Variants in CC2D1B observed in about 807,000 individuals in gnomAD.
The protein encoded by CC2D1B is coiled-coil and C2 domain-containing protein 1B.
Under a neutral mutation model 110.8 loss-of-function variants are expected in CC2D1B, and 92 were observed. That is an observed-to-expected ratio of 0.83 (90% CI 0.70 to 0.99). The LOEUF (loss-of-function observed/expected upper bound fraction) is 0.99, where lower values mean the gene tolerates loss of function less well. Ranked by LOEUF, CC2D1B falls within the 50% of genes least tolerant of loss-of-function variation. The pLI, the probability that CC2D1B is intolerant of heterozygous loss-of-function variation, is 0.00. For missense variants in CC2D1B, 1,136 were observed against 1,089.0 expected (o/e 1.04, Z -0.61); for synonymous variants, 406 against 429.2 (o/e 0.95, Z 0.67).
In CC2D1B at chr1:52,364,763, C is replaced by T. The variant is rs567874380; in HGVS notation, c.-14-129G>A. The T allele has an allele frequency of 3.6e-4, 187 of 519,228 alleles. 1 individual carries two copies. The South Asian group carries it at 4.4e-3, about 12-fold the overall frequency. The allele number at this position is 519,228 out of a possible 1,614,324, so 32.2% of individuals were successfully genotyped here. On this transcript the variant is annotated intron_variant, in intron 1 of 24. Coordinates refer to ENST00000284376, the MANE Select transcript of CC2D1B (RefSeq NM_001330585.2). The stretch of plus-strand genomic sequence containing the variant: ...ATGCTGAACACCAAAGTATGGGTTA[C>T]CTTTAATTAAAGCACTGAAGCAGCA...
At position 52,359,130 on chromosome 1, in the gene CC2D1B, A is replaced by C; in HGVS notation, c.1154T>G (p.Leu385Arg). Reference protein sequence around the residue: ...PVAPTESQTVLDALQQRLNKY... With the variant: ...PVAPTESQTVRDALQQRLNKY... ...GTTCAGCCTCTGCTGCAGGGCATCCAGCACTGTCTGTGACTCTGTAGGGGC... is the reference window on the plus strand; with the variant it reads ...GTTCAGCCTCTGCTGCAGGGCATCCCGCACTGTCTGTGACTCTGTAGGGGC... Residue 385 changes from leucine to arginine, a missense_variant, in exon 11 of 25, where the codon CTG becomes CGG. Coordinates refer to ENST00000284376, the MANE Select transcript of CC2D1B (RefSeq NM_001330585.2). The C allele has an allele frequency of 6.2e-7, 1 of 1,611,152 alleles. No individual in the cohort carries two copies. The highest frequency in any genetic ancestry group is 8.5e-7 in the Non-Finnish European group (1 of 1,179,994).
rs540888906 is a variant in CC2D1B, at chr1:52,359,273, G to C, written c.1103C>G (p.Ala368Gly). ...ACCTGGGGTTGCTGGGACGTCAGGG[G>C]CCATCACTGGCTGCACTCGCTCCAC... ...PAVERVQPVM[A>G]PDVPATPVAP... Residue 368 changes from alanine to glycine, a missense_variant, in exon 10 of 25, where the codon GCC becomes GGC. Coordinates refer to ENST00000284376, the MANE Select transcript of CC2D1B (RefSeq NM_001330585.2). 14 of 1,612,932 alleles carry C rather than the reference G, an allele frequency of 8.7e-6. No individual in the cohort carries two copies. The highest frequency in any genetic ancestry group is 1.3e-5 in the African/African-American group (1 of 75,056).
intron 21 of CC2D1B, 115 bp from the exon 22 acceptor site, chr1:52,355,054 G>A: frequency 4.8e-6 from 4 of 829,232 alleles, no homozygotes; most frequent in Non-Finnish European, 6.1e-6. Flanking sequence ...GCATTTTGGG[G>A]TACTGCCTCC....
At chr1:52,353,719 C>T in intron 23 of CC2D1B, 72 bp from the exon 24 acceptor site, 2 of 1,173,006 alleles carry the variant, frequency 1.7e-6, no homozygotes, top group Admixed American at 5.0e-5. Context: ...CCCTACATTC[C>T]CAGGAAAGAA....
chr1:52,355,201 TC>T (rs1199242022), intron 21 of CC2D1B, among the ~76,000 whole-genome samples, 196 bp downstream of exon 21: 1 of 152,216 alleles, frequency 6.6e-6, no homozygotes, highest in East Asian at 1.9e-4. Flanking sequence ...TTCTACCACT[TC>T]CTTGCCATGA....
Position 52,362,708 on chromosome 1 carries a change from C to T in CC2D1B, c.108G>A (p.Leu36=), listed in dbSNP as rs905703464. Residue 36 remains leucine, a synonymous_variant, in exon 3 of 25, where the codon CTG becomes CTA. Coordinates refer to ENST00000284376, the MANE Select transcript of CC2D1B (RefSeq NM_001330585.2). ...CATCTTCAGCCTCATCCATGCCCAGCAGCATGTCCTCAGGGCCAAACTCCA... is the reference window on the plus strand; with the variant it reads ...CATCTTCAGCCTCATCCATGCCCAGTAGCATGTCCTCAGGGCCAAACTCCA... ...LFMEFGPEDM[L]LGMDEAEDDE... The T allele has an allele frequency of 6.2e-7, 1 of 1,614,134 alleles. No homozygotes were observed.
rs1217485542 is a variant in CC2D1B, at chr1:52,352,283, C to G, written c.*942G>C. 1 of 152,400 alleles carries G rather than the reference C, an allele frequency of 6.6e-6. No individual in the cohort carries two copies. Among genetic ancestry groups the G allele is most frequent in the African/African-American group, 2.4e-5 (1 of 41,422 alleles). 9.4% of individuals were successfully genotyped at this position (152,400 alleles called of 1,614,324 possible). On this transcript the variant is annotated 3_prime_UTR_variant, in exon 25 of 25. Transcript: ENST00000284376. ...TCTCCATCCATTCAGAAAAACAAAG[C>G]CAAAGGAGAATTTCTTGTGGAAAAA...
At chr1:52,360,310 C>G (rs1646751276) in intron 6 of CC2D1B, 77 bp from the exon 7 acceptor site, 1 of 1,593,696 alleles carries the variant, frequency 6.3e-7, no homozygotes, top group Non-Finnish European at 8.5e-7. Context: ...CCAGGGGTGG[C>G]CCCCCAACCC....
rs762428904 is a variant in CC2D1B at position 52,360,414 on chromosome 1, C to A, written c.603+10G>T. 1 of 1,612,668 alleles carries A rather than the reference C, an allele frequency of 6.2e-7. No homozygotes were observed. Among genetic ancestry groups the A allele is most frequent in the Non-Finnish European group, 8.5e-7 (1 of 1,179,602 alleles). ...CTCCCCTGCCCTGCTCCCAGCCTAG[C>A]CCGACTCACCTTCAGGCCGCGCTCG... On this transcript the variant is annotated intron_variant, in intron 6 of 24. Coordinates refer to ENST00000284376, the MANE Select transcript of CC2D1B (RefSeq NM_001330585.2).
In CC2D1B at chr1:52,361,540, T is replaced by TTCC. The variant is rs374206070; in HGVS notation, c.288_290dup (p.Glu97dup). 285 of 1,608,820 alleles carry TTCC rather than the reference T, an allele frequency of 1.8e-4. 1 individual carries two copies. Among genetic ancestry groups the TTCC allele is most frequent in the South Asian group, 1.2e-3 (109 of 90,662 alleles). On this transcript the variant is annotated inframe_insertion, in exon 4 of 25. Coordinates refer to ENST00000284376, the MANE Select transcript of CC2D1B (RefSeq NM_001330585.2). ...GCAGCTCTGCATCTTCCTCCAGCCC[T>TTCC]TCCTCCTCCTCCTCCTCCTCCACAT... is the stretch of plus-strand genomic sequence containing the variant.
chr1:52,360,869 C>A, intron 5 of CC2D1B, 105 bp downstream of exon 5: 1 of 1,417,986 alleles, frequency 7.1e-7, no homozygotes, highest in Non-Finnish European at 9.8e-7. Flanking sequence ...GGGGAGGGTC[C>A]TGGAAAGGGT....
At position 52,351,916 on chromosome 1, in the gene CC2D1B, G is replaced by A. The variant is rs572575301; in HGVS notation, c.*1309C>T. The A allele has an allele frequency of 6.6e-6, 1 of 151,644 alleles. No individual in the cohort carries two copies. The highest frequency in any genetic ancestry group is 2.4e-5 in the African/African-American group (1 of 41,308). The allele number at this position is 151,644 out of a possible 1,614,324, so 9.4% of individuals were successfully genotyped here. A position where few individuals can be genotyped will look rare whatever the true frequency, so the allele number is the denominator to read the frequency against. Reference sequence around the variant, plus strand: ...AAAAAAAAAAAAAAATCGGCCAGAGGGCTCATGGGGAAAAAAGTCACTTGT... The same window carrying A: ...AAAAAAAAAAAAAAATCGGCCAGAGAGCTCATGGGGAAAAAAGTCACTTGT... On this transcript the variant is annotated 3_prime_UTR_variant, in exon 25 of 25. Transcript: ENST00000284376.
rs1359372352 is a variant in CC2D1B, at chr1:52,366,158, G to C, written c.-104C>G. On this transcript the variant is annotated 5_prime_UTR_variant, in exon 1 of 25. Transcript: ENST00000284376. The stretch of plus-strand genomic sequence containing the variant: ...GCCCTGGGCCGCAGCGGTAGCGACA[G>C]GAAGCGCCAGCAGGGGAGGTGGCTC... 6.6e-6 allele frequency: 1 copy of C among 152,266 alleles called. No homozygotes were observed. The highest frequency in any genetic ancestry group is 6.5e-5 in the Admixed American group (1 of 15,294). 9.4% of individuals were successfully genotyped at this position (152,266 alleles called of 1,614,324 possible).
In CC2D1B at chr1:52,354,898, G is replaced by C. The variant is rs750759915; in HGVS notation, c.2281C>G (p.Arg761Gly). The part of the protein sequence containing the change: ...LFKLNINRNH[R>G]GFKRVIQSKG... Reference sequence around the variant, plus strand: ...CTCTGGATCACCCTCTTGAAGCCCCGGTGGTTTCGGTTGATGTTTAGTTTG... The same window carrying C: ...CTCTGGATCACCCTCTTGAAGCCCCCGTGGTTTCGGTTGATGTTTAGTTTG... The change falls in exon 22 of 25, where the codon CGG becomes GGG. Residue 761 changes from arginine (R) to glycine (G), a missense_variant. Coordinates refer to ENST00000284376, the MANE Select transcript of CC2D1B (RefSeq NM_001330585.2). The C allele has an allele frequency of 1.9e-6, 3 of 1,614,144 alleles. No individual in the cohort carries two copies. Among genetic ancestry groups the C allele is most frequent in the Non-Finnish European group, 1.7e-6 (2 of 1,180,012 alleles).
chr1:52,355,802 A>C lies in CC2D1B; in HGVS notation c.2097T>G (p.Ile699Met), dbSNP rs756102445. 6.2e-7 allele frequency: 1 copy of C among 1,614,168 alleles called. No individual in the cohort carries two copies. Among genetic ancestry groups the C allele is most frequent in the South Asian group, 1.1e-5 (1 of 91,088 alleles). ...GGGCTGGGAGGTTCATTCCCCGGAC[A>C]ATGATCAGATGCATTTCTGTGCTGT... is the stretch of plus-strand genomic sequence containing the variant. ...ELNSTEMHLIIVRGMNLPAPP... is the reference protein window; with the variant it reads ...ELNSTEMHLIMVRGMNLPAPP... The change falls in exon 19 of 25, where the codon ATT (isoleucine) becomes ATG (methionine). Residue 699 changes from isoleucine to methionine, a missense_variant. Coordinates refer to ENST00000284376, the MANE Select transcript of CC2D1B (RefSeq NM_001330585.2).
At position 52,355,379 on chromosome 1, in the gene CC2D1B, G is replaced by GC. The variant is rs771129921; in HGVS notation, c.2239+18dup. 17 of 1,613,374 alleles carry GC rather than the reference G, an allele frequency of 1.1e-5. No homozygotes were observed. Among genetic ancestry groups the GC allele is most frequent in the Non-Finnish European group, 1.3e-5 (15 of 1,179,540 alleles). On this transcript the variant is annotated intron_variant, in intron 21 of 24. Transcript: ENST00000284376. ...ACACACTCTGAGGGAGGAGAAAGAGGCCCACGTGTGGCCCTCACCTGGAGA... is the reference window on the plus strand; with the variant it reads ...ACACACTCTGAGGGAGGAGAAAGAGGCCCCACGTGTGGCCCTCACCTGGAGA...
In CC2D1B at chr1:52,358,476, C is replaced by G. The variant is rs537111457; in HGVS notation, c.1331-15G>C. On this transcript the variant is annotated splice_polypyrimidine_tract_variant and intron_variant, in intron 12 of 24. Coordinates refer to ENST00000284376, the MANE Select transcript of CC2D1B (RefSeq NM_001330585.2). ...GGGGGGAAATCCTGTGGGAGAGAGA[C>G]AGCATGGGAGGGGCAGGGAGCAGCC... 87 of 1,612,390 alleles carry G rather than the reference C, an allele frequency of 5.4e-5. 2 individuals carry two copies. In the East Asian group the frequency reaches 1.6e-3, roughly 29 times the overall value.
intron 12 of CC2D1B, 60 bp downstream of exon 12, chr1:52,358,626 C>T: frequency 1.3e-6 from 2 of 1,575,790 alleles, no homozygotes; most frequent in South Asian, 1.1e-5. Context: ...GGCTGTCCCC[C>T]ATTCCCTTCT....
rs1350869264 is a variant in CC2D1B, at chr1:52,351,686, C to G, written c.*1539G>C. 1 of 151,946 alleles carries G rather than the reference C, an allele frequency of 6.6e-6. No individual in the cohort carries two copies. Among genetic ancestry groups the G allele is most frequent in the Non-Finnish European group, 1.5e-5 (1 of 67,998 alleles). The allele number at this position is 151,946 out of a possible 1,614,324, so 9.4% of individuals were successfully genotyped here. ...GGATCATGAGGTCAGGAGTTCGAGA[C>G]CAGCCTGACCAACATGGTGAAACAC... On this transcript the variant is annotated 3_prime_UTR_variant, in exon 25 of 25. Coordinates refer to ENST00000284376, the MANE Select transcript of CC2D1B (RefSeq NM_001330585.2).
Sources: allele counts gnomAD v4.1 joint callset (sites outside exome capture counted in the v4.1 genomes callset), GRCh38; gene constraint gnomAD v4.1.1; transcripts MANE v1.5; gene names NCBI Gene and HGNC (gene_info 2026-07-23, HGNC 2026-07-21).